BTRC: variants seen among roughly 807,000 people sequenced by gnomAD.
The protein encoded by BTRC is F-box/WD repeat-containing protein 1A.
BTRC carries 42 observed loss-of-function variants against 85.5 expected under a neutral mutation model. The ratio of observed to expected loss-of-function variants is 0.49; its 90% CI spans 0.38 to 0.64. BTRC has a LOEUF of 0.64. Ranked by LOEUF, BTRC falls within the 30% of genes least tolerant of loss-of-function variation. The pLI is 0.00. For missense variants in BTRC, 594 were observed against 743.5 expected (o/e 0.80, Z 2.34); for synonymous variants, 255 against 263.3 (o/e 0.97, Z 0.30).
At chr10:101,424,924 A>C (rs1019284735) in intron 1 of BTRC, among the ~76,000 whole-genome samples, 2 of 152,182 alleles carry the variant, frequency 1.3e-5, no homozygotes, top group African/African-American at 4.8e-5. Flanking sequence ...CAAAGTACCC[A>C]TAGGTAGTTT....
intron 3 of BTRC, among the ~76,000 whole-genome samples, chr10:101,473,804 C>T (rs890697454): frequency 3.9e-5 from 6 of 152,022 alleles, no homozygotes; most frequent in Non-Finnish European, 8.8e-5. Context: ...CACTACGTTG[C>T]CCAGGCTGGT....
At chr10:101,381,681 G>A (rs1942931384) in intron 1 of BTRC, among the ~76,000 whole-genome samples, 1 of 152,096 alleles carries the variant, frequency 6.6e-6, no homozygotes, top group East Asian at 1.9e-4. Flanking sequence ...GAAAAATTAT[G>A]AGAAACACAC....
rs576846389 is a variant in BTRC, at chr10:101,378,875, A to T, written c.48+24647A>T. ...GCTTTGAAGCAGTATTCAGTAATAT[A>T]TTGAAATGAGAAATAGGCGGTCAAG... is the stretch of plus-strand genomic sequence containing the variant. On this transcript the variant is annotated intron_variant, in intron 1 of 14. Coordinates refer to ENST00000370187, the MANE Select transcript of BTRC (RefSeq NM_033637.4). 2.6e-5 allele frequency among the ~76,000 whole-genome samples: 4 copies of T among 152,272 alleles called. No individual in the cohort carries two copies. In the South Asian group the frequency reaches 8.3e-4, roughly 32 times the overall value.
intron 1 of BTRC, among the ~76,000 whole-genome samples, chr10:101,387,528 C>CTTTTTTTTTGTTTTTTTTTTTTTTTTTTT (rs1943111679): frequency 2.2e-5 from 1 of 45,122 alleles, no homozygotes; most frequent in African/African-American, 1.5e-4. Context: ...CTTCATGGGA[C>CTTTTTTTTTGTTTTTTTTTTTTTTTTTTT]TTTTTTTTTT....
chr10:101,502,296 TTG>T (rs1316340793), intron 4 of BTRC, among the ~76,000 whole-genome samples: 2 of 152,166 alleles, frequency 1.3e-5, no homozygotes, highest in Admixed American at 6.5e-5. Context: ...ACTGAGAGTC[TTG>T]TTACCATTCT....
At chr10:101,371,552 G>A (rs1404455864) in intron 1 of BTRC, among the ~76,000 whole-genome samples, 1 of 152,076 alleles carries the variant, frequency 6.6e-6, no homozygotes, top group Non-Finnish European at 1.5e-5. Flanking sequence ...TTGCCTTTTT[G>A]TGACTAGCTT....
At chr10:101,378,823 A>G (rs974831397) in intron 1 of BTRC, among the ~76,000 whole-genome samples, 1 of 152,052 alleles carries the variant, frequency 6.6e-6, no homozygotes, top group Non-Finnish European at 1.5e-5. Context: ...AGCCCCAGTT[A>G]TAACTTGTTT....
intron 14 of BTRC, among the ~76,000 whole-genome samples, chr10:101,552,357 A>AT (rs33974447): frequency 0.16 from 21,654 of 132,816 alleles, 2,136 homozygotes; most frequent in East Asian, 0.48. Flanking sequence ...AATTGTTTGT[A>AT]TTTTTTTTTT....
At chr10:101,471,065 T>C (rs1328763841) in intron 3 of BTRC, among the ~76,000 whole-genome samples, 1 of 152,222 alleles carries the variant, frequency 6.6e-6, no homozygotes, top group Admixed American at 6.5e-5. Flanking sequence ...GTGTCTATCC[T>C]TGCACCAAAT....
chr10:101,383,057 ATTTTTT>A (rs370353886), intron 1 of BTRC, among the ~76,000 whole-genome samples: 35 of 116,474 alleles, frequency 3.0e-4, no homozygotes, highest in Admixed American at 3.8e-4. Flanking sequence ...TTCCCTGGAG[ATTTTTT>A]TTTTTTTTTT....
intron 6 of BTRC, among the ~76,000 whole-genome samples, chr10:101,529,649 A>G (rs2062251212): frequency 6.6e-6 from 1 of 151,972 alleles, no homozygotes. Flanking sequence ...CCCCCTTTTT[A>G]TAAGTATTAT....
chr10:101,448,952 G>A (rs191698456), intron 2 of BTRC, among the ~76,000 whole-genome samples: 6 of 151,864 alleles, frequency 4.0e-5, no homozygotes, highest in African/African-American at 4.8e-5. Flanking sequence ...TTAAAGACCC[G>A]AAGAGACATT....
intron 1 of BTRC, among the ~76,000 whole-genome samples, chr10:101,379,085 A>G (rs1942864714): frequency 6.6e-6 from 1 of 152,266 alleles, no homozygotes; most frequent in Non-Finnish European, 1.5e-5. Context: ...AAAGCTAGTC[A>G]AATTAATTGA....
At chr10:101,372,962 A>G (rs957310488) in intron 1 of BTRC, among the ~76,000 whole-genome samples, 4 of 152,214 alleles carry the variant, frequency 2.6e-5, no homozygotes, top group Non-Finnish European at 5.9e-5. Context: ...GAGAGCTGAG[A>G]TCTTAACACT....
chr10:101,469,854 T>A (rs1386460096), intron 3 of BTRC, among the ~76,000 whole-genome samples: 1 of 152,230 alleles, frequency 6.6e-6, no homozygotes. Context: ...GAATGCTATA[T>A]TTTTGGGGTC....
Position 101,389,115 on chromosome 10 carries a change from G to GTTTT in BTRC, c.48+34888_48+34889insTTTT, listed in dbSNP as rs1471017781. Among the ~76,000 whole-genome samples, 54 of 35,464 alleles carry GTTTT rather than the reference G, an allele frequency of 1.5e-3. 7 individuals carry two copies. Among genetic ancestry groups the GTTTT allele is most frequent in the Non-Finnish European group, 1.8e-3 (37 of 20,252 alleles). 23.3% of individuals were successfully genotyped at this position (35,464 alleles called of 152,430 possible). The stretch of plus-strand genomic sequence containing the variant: ...ATGTTGCATAATTGTGATTTTTTGT[G>GTTTT]TGTGTTTTTTTTTTTTTTTTTTTTT... On this transcript the variant is annotated intron_variant, in intron 1 of 14. Transcript: ENST00000370187.
At chr10:101,366,832 A>ATG (rs1332810726) in intron 1 of BTRC, among the ~76,000 whole-genome samples, 1 of 84,970 alleles carries the variant, frequency 1.2e-5, no homozygotes, top group African/African-American at 4.7e-5. Context: ...ATATATATTT[A>ATG]TATATATTTA....
In BTRC at chr10:101,354,238, C is replaced by T; in HGVS notation, c.48+10C>T. 1.9e-6 allele frequency: 3 copies of T among 1,548,506 alleles called. No homozygotes were observed. In the South Asian group the frequency reaches 3.6e-5, roughly 18 times the overall value. On this transcript the variant is annotated intron_variant, in intron 1 of 14. Coordinates refer to ENST00000370187, the MANE Select transcript of BTRC (RefSeq NM_033637.4). ...GGCACTCAAGTTTATGGTGAGGAGA[C>T]GGTGGAGGCCGGGGAACGGTGGAGG...
At chr10:101,380,272 G>A in intron 1 of BTRC, among the ~76,000 whole-genome samples, 1 of 152,004 alleles carries the variant, frequency 6.6e-6, no homozygotes, top group East Asian at 1.9e-4. Context: ...GTTATGAGGA[G>A]TAAATGAAAT....
Sources: gnomAD v4.1 joint callset for allele counts (sites outside exome capture counted in the v4.1 genomes callset) on GRCh38, gnomAD v4.1.1 for gene constraint, MANE v1.5 for transcripts, NCBI Gene and HGNC (gene_info 2026-07-23, HGNC 2026-07-21) for gene names.